Variants in ZNF407 observed in about 807,000 individuals in gnomAD.
The protein encoded by ZNF407 is zinc finger protein 407.
In ZNF407, 17 loss-of-function variants were observed where a neutral mutation model predicts 131.2. That is an observed-to-expected ratio of 0.13 (90% CI 0.09 to 0.19). The LOEUF (loss-of-function observed/expected upper bound fraction) is 0.19. ZNF407 is among the 10% of genes least tolerant of loss of function. The pLI is 1.00. For missense variants in ZNF407, 2,681 were observed against 2,830.6 expected (o/e 0.95, Z 1.20); for synonymous variants, 1,156 against 1,062.0 (o/e 1.09, Z -1.72).
intron 7 of ZNF407, among the ~76,000 whole-genome samples, chr18:74,917,983 A>G (rs895290446): frequency 3.9e-5 from 6 of 152,190 alleles, no homozygotes. Context: ...TGTAGAAAAC[A>G]TGTTGGAGAT....
intron 7 of ZNF407, among the ~76,000 whole-genome samples, chr18:74,903,404 ATTATT>A (rs2145211392): frequency 6.6e-6 from 1 of 152,296 alleles, no homozygotes; most frequent in South Asian, 2.1e-4. Context: ...AGTTGTATGT[ATTATT>A]TTATAGAGTT....
At chr18:74,901,872 C>G (rs534351382) in intron 7 of ZNF407, among the ~76,000 whole-genome samples, 4 of 150,716 alleles carry the variant, frequency 2.7e-5, no homozygotes, top group African/African-American at 9.8e-5. Flanking sequence ...GTATGTTGTT[C>G]TGTAAAAAAG....
At chr18:75,050,907 A>T (rs1189620486) in intron 8 of ZNF407, among the ~76,000 whole-genome samples, 1 of 152,220 alleles carries the variant, frequency 6.6e-6, no homozygotes, top group Non-Finnish European at 1.5e-5. Flanking sequence ...CTGACACCAG[A>T]GCTCATGCTC....
intron 3 of ZNF407, among the ~76,000 whole-genome samples, chr18:74,737,110 G>A (rs529424855): frequency 1.8e-4 from 27 of 152,284 alleles, no homozygotes; most frequent in Non-Finnish European, 3.1e-4. Flanking sequence ...AAAATTGTAC[G>A]ATGAGCTTGC....
In ZNF407 at chr18:74,920,569, G is replaced by A; in HGVS notation, c.5305G>A (p.Gly1769Arg). 2 of 1,598,176 alleles carry A rather than the reference G, an allele frequency of 1.3e-6. No homozygotes were observed. The highest frequency in any genetic ancestry group is 1.7e-6 in the Non-Finnish European group (2 of 1,167,118). ...CATTCTGCATACTGGCAAACATGAA[G>A]GAGTCAAGATGTACAACTGTCCCAA... The part of the protein sequence containing the change: ...KHILHTGKHE[G>R]VKMYNCPKCD... The change falls in exon 8 of 9, where the codon GGA becomes AGA. Residue 1769 changes from glycine to arginine, a missense_variant. Coordinates refer to ENST00000299687, the MANE Select transcript of ZNF407 (RefSeq NM_017757.3).
chr18:74,879,127 A>G (rs1014708329), intron 5 of ZNF407, among the ~76,000 whole-genome samples: 7 of 152,204 alleles, frequency 4.6e-5, no homozygotes, highest in African/African-American at 1.4e-4. Context: ...TAAAGCATAT[A>G]TGTAAGTATG....
chr18:74,869,628 A>G (rs113813531), intron 4 of ZNF407, among the ~76,000 whole-genome samples: 5 of 152,034 alleles, frequency 3.3e-5, no homozygotes, highest in Non-Finnish European at 7.4e-5. Context: ...CCCTGTATAG[A>G]TGGGGTTTTT....
intron 4 of ZNF407, among the ~76,000 whole-genome samples, chr18:74,838,446 G>T (rs542534306): frequency 2.0e-5 from 3 of 152,302 alleles, no homozygotes; most frequent in African/African-American, 7.2e-5. Flanking sequence ...TTACAGGATG[G>T]TTTGGTTTTA....
chr18:74,737,970 T>C (rs1431090272), intron 3 of ZNF407, among the ~76,000 whole-genome samples: 1 of 152,178 alleles, frequency 6.6e-6, no homozygotes, highest in Non-Finnish European at 1.5e-5. Context: ...TTAAAATCTC[T>C]TAATGTGGTT....
chr18:74,698,863 C>G (rs1967423968), intron 3 of ZNF407, among the ~76,000 whole-genome samples: 1 of 152,022 alleles, frequency 6.6e-6, no homozygotes, highest in African/African-American at 2.4e-5. Context: ...AATTTGTTCC[C>G]CTCTTATTTC....
chr18:75,026,384 T>C (rs1020614424), intron 8 of ZNF407, among the ~76,000 whole-genome samples: 4 of 152,236 alleles, frequency 2.6e-5, no homozygotes, highest in African/African-American at 4.8e-5. Flanking sequence ...GATTTTTGAA[T>C]TTCTTATTAT....
intron 1 of ZNF407, among the ~76,000 whole-genome samples, chr18:74,616,223 A>T (rs1267527469): frequency 6.6e-6 from 1 of 152,228 alleles, no homozygotes; most frequent in Non-Finnish European, 1.5e-5. Flanking sequence ...TAAGACTGGT[A>T]TGGGCACCAC....
chr18:75,059,037 T>C (rs1351563365), intron 8 of ZNF407, among the ~76,000 whole-genome samples: 1 of 152,238 alleles, frequency 6.6e-6, no homozygotes, highest in Admixed American at 6.5e-5. Context: ...TGAACTGTGA[T>C]GGACTCGCTG....
intron 8 of ZNF407, among the ~76,000 whole-genome samples, chr18:75,037,308 A>C (rs755337024): frequency 6.6e-6 from 1 of 152,192 alleles, no homozygotes; most frequent in Non-Finnish European, 1.5e-5. Flanking sequence ...TGCAGGGGAA[A>C]TTCCAGGACA....
chr18:74,695,614 A>T (rs545344982), intron 3 of ZNF407, among the ~76,000 whole-genome samples: 26 of 151,812 alleles, frequency 1.7e-4, no homozygotes, highest in Non-Finnish European at 3.4e-4. Context: ...CCTTACACCT[A>T]ACAACCACCT....
chr18:74,741,493 C>A (rs1195617443), intron 3 of ZNF407, among the ~76,000 whole-genome samples: 1 of 151,978 alleles, frequency 6.6e-6, no homozygotes, highest in Non-Finnish European at 1.5e-5. Context: ...TGAAAAACAG[C>A]TAGAATCTAA....
intron 3 of ZNF407, among the ~76,000 whole-genome samples, chr18:74,719,410 T>C (rs1444088362): frequency 6.6e-6 from 1 of 151,606 alleles, no homozygotes; most frequent in African/African-American, 2.4e-5. Flanking sequence ...TACTTACTTA[T>C]TTATTTAGAG....
rs17055890 is a variant in ZNF407 at position 74,905,831 on chromosome 18, G to A, written c.5250-14683G>A. 600 of 152,302 alleles carry A rather than the reference G, an allele frequency of 3.9e-3. 4 individuals are homozygous for A. The highest frequency in any genetic ancestry group is 0.013 in the African/African-American group (550 of 41,564). 9.4% of individuals were successfully genotyped at this position (152,302 alleles called of 1,614,324 possible). A position where few individuals can be genotyped will look rare whatever the true frequency, so the allele number is the denominator to read the frequency against. ...ATAAAATTCATAAGATTTAGAGCAA[G>A]GTGATCCAGAAACTCTCCAACTAAA... On this transcript the variant is annotated intron_variant, in intron 7 of 8. Coordinates refer to ENST00000299687, the MANE Select transcript of ZNF407 (RefSeq NM_017757.3).
At chr18:74,994,182 C>T (rs1972751600) in intron 8 of ZNF407, among the ~76,000 whole-genome samples, 1 of 152,016 alleles carries the variant, frequency 6.6e-6, no homozygotes, top group Non-Finnish European at 1.5e-5. Flanking sequence ...TCATAGGAAG[C>T]TCACAAGTAT....
Sources: gnomAD v4.1 joint callset for allele counts (sites outside exome capture counted in the v4.1 genomes callset) on GRCh38, gnomAD v4.1.1 for gene constraint, MANE v1.5 for transcripts, NCBI Gene and HGNC (gene_info 2026-07-23, HGNC 2026-07-21) for gene names.